ARHGAP15: variants seen among roughly 807,000 people sequenced by gnomAD.
ARHGAP15 encodes Rho GTPase activating protein 15.
A neutral mutation model predicts 63.7 loss-of-function variants in ARHGAP15; 51 were observed. That is an observed-to-expected ratio of 0.80 (90% confidence interval 0.64 to 1.01). ARHGAP15 has a LOEUF of 1.01. Among genes scored for constraint, ARHGAP15 ranks in the 50% least tolerant of loss-of-function variants. The pLI is 0.00. For synonymous variants in ARHGAP15, 191 were observed against 193.8 expected, an observed-to-expected ratio of 0.99 and a Z score of 0.12; for missense variants, 560 against 564.6, an observed-to-expected ratio of 0.99 and a Z score of 0.08.
intron 10 of ARHGAP15, among the ~76,000 whole-genome samples, chr2:143,535,957 T>C (rs996298327): frequency 6.6e-6 from 1 of 152,234 alleles, no homozygotes; most frequent in Non-Finnish European, 1.5e-5. Context: ...TATGTTTTTT[T>C]CACATACAAC....
At chr2:143,141,868 C>T (rs748811672) in intron 1 of ARHGAP15, among the ~76,000 whole-genome samples, 1 of 152,070 alleles carries the variant, frequency 6.6e-6, no homozygotes, top group Non-Finnish European at 1.5e-5. Context: ...GGGTGATTGA[C>T]ACTACGAGCC....
At chr2:143,457,647 C>T (rs559314969) in intron 8 of ARHGAP15, among the ~76,000 whole-genome samples, 2 of 150,270 alleles carry the variant, frequency 1.3e-5, no homozygotes, top group African/African-American at 2.4e-5. Context: ...TTTTTAAATA[C>T]CCACAGTATT....
At chr2:143,231,680 G>T (rs1360570641) in intron 5 of ARHGAP15, among the ~76,000 whole-genome samples, 1 of 152,186 alleles carries the variant, frequency 6.6e-6, no homozygotes, top group Admixed American at 6.5e-5. Context: ...GTCTTACTCA[G>T]TTAGGACTGC....
chr2:143,567,839 T>C (rs932004825), intron 11 of ARHGAP15, among the ~76,000 whole-genome samples: 2 of 152,134 alleles, frequency 1.3e-5, no homozygotes, highest in African/African-American at 4.8e-5. Context: ...AAATTACAAG[T>C]GGATGTCCTG....
intron 13 of ARHGAP15, among the ~76,000 whole-genome samples, chr2:143,728,986 A>G (rs1685411875): frequency 1.3e-5 from 2 of 152,372 alleles, no homozygotes; most frequent in South Asian, 2.1e-4. Flanking sequence ...CTATGGTCTC[A>G]GTTACGCAGA....
chr2:143,615,615 T>G (rs1285365503), intron 11 of ARHGAP15, among the ~76,000 whole-genome samples: 10 of 152,212 alleles, frequency 6.6e-5, no homozygotes, highest in Non-Finnish European at 8.8e-5. Context: ...TATCTGTATA[T>G]GGGAATTTAT....
At chr2:143,135,215 C>A (rs1689088977) in intron 1 of ARHGAP15, among the ~76,000 whole-genome samples, 1 of 152,176 alleles carries the variant, frequency 6.6e-6, no homozygotes, top group South Asian at 2.1e-4. Flanking sequence ...TTCATAGTTT[C>A]TATCTTTGCC....
intron 11 of ARHGAP15, among the ~76,000 whole-genome samples, chr2:143,581,905 G>A (rs1009803806): frequency 3.3e-5 from 5 of 152,042 alleles, no homozygotes; most frequent in Non-Finnish European, 5.9e-5. Flanking sequence ...GGAGGGTAAA[G>A]GGAGGAAGGA....
chr2:143,483,249 C>A (rs1344230944), intron 8 of ARHGAP15, among the ~76,000 whole-genome samples: 1 of 152,026 alleles, frequency 6.6e-6, no homozygotes, highest in Non-Finnish European at 1.5e-5. Flanking sequence ...ACCAGAATAC[C>A]TAGGGGAGTT....
chr2:143,205,328 C>T (rs1330706381), intron 3 of ARHGAP15, among the ~76,000 whole-genome samples: 2 of 150,826 alleles, frequency 1.3e-5, no homozygotes, highest in Non-Finnish European at 3.0e-5. Flanking sequence ...TTTCCATGTA[C>T]ACTTCTGTTA....
At position 143,519,257 on chromosome 2, in the gene ARHGAP15, C is replaced by A; in HGVS notation, c.827-9C>A. ...ATTTTAATGAAGCTCATCTTTGTTT[C>A]TTTTGCAGATCAAATTTTTGGCTCT... On this transcript the variant is annotated splice_polypyrimidine_tract_variant and intron_variant, in intron 9 of 13. Coordinates refer to ENST00000295095, the MANE Select transcript of ARHGAP15 (RefSeq NM_018460.4). 1 of 1,602,914 alleles carries A rather than the reference C, an allele frequency of 6.2e-7. No individual in the cohort carries two copies. Among genetic ancestry groups the A allele is most frequent in the Non-Finnish European group, 8.5e-7 (1 of 1,170,472 alleles).
At chr2:143,650,048 T>C (rs948972968) in intron 12 of ARHGAP15, among the ~76,000 whole-genome samples, 1 of 151,908 alleles carries the variant, frequency 6.6e-6, no homozygotes, top group South Asian at 2.1e-4. Context: ...TGTTGGAGGT[T>C]TTTTTTCTTC....
chr2:143,707,725 A>C (rs1425012903), intron 13 of ARHGAP15, among the ~76,000 whole-genome samples: 1 of 152,190 alleles, frequency 6.6e-6, no homozygotes, highest in South Asian at 2.1e-4. Flanking sequence ...GTGTTCAGTG[A>C]TAGGGGAGGG....
chr2:143,569,959 C>T (rs901904581), intron 11 of ARHGAP15, among the ~76,000 whole-genome samples: 5 of 152,124 alleles, frequency 3.3e-5, no homozygotes, highest in African/African-American at 1.2e-4. Context: ...AAGCCTAGGT[C>T]AATTTTCATG....
At chr2:143,329,018 C>G (rs546666967) in intron 6 of ARHGAP15, among the ~76,000 whole-genome samples, 48 of 152,296 alleles carry the variant, frequency 3.2e-4, no homozygotes, top group Admixed American at 1.5e-3. Context: ...ATGAAAGCAA[C>G]TTGTACATTT....
intron 9 of ARHGAP15, 98 bp from the exon 10 acceptor site, chr2:143,519,168 A>T (rs1405083894): frequency 1.1e-5 from 10 of 888,484 alleles, no homozygotes; most frequent in South Asian, 9.0e-5. Flanking sequence ...CTTATGCAAG[A>T]TGAAGATTTC....
At chr2:143,547,473 A>G (rs1158038549) in intron 10 of ARHGAP15, among the ~76,000 whole-genome samples, 1 of 152,166 alleles carries the variant, frequency 6.6e-6, no homozygotes, top group African/African-American at 2.4e-5. Context: ...TCCATAAAGA[A>G]TCACAGCAAA....
chr2:143,611,441 A>C (rs1347117359), intron 11 of ARHGAP15, among the ~76,000 whole-genome samples: 1 of 152,172 alleles, frequency 6.6e-6, no homozygotes, highest in East Asian at 1.9e-4. Flanking sequence ...TTAGTTCCTC[A>C]CTTATAAAAT....
chr2:143,322,618 T>C (rs947736056), intron 6 of ARHGAP15, among the ~76,000 whole-genome samples: 1 of 152,244 alleles, frequency 6.6e-6, no homozygotes, highest in African/African-American at 2.4e-5. Flanking sequence ...TAAATAAGTT[T>C]TGAAGTTTTC....
Sources: allele counts gnomAD v4.1 joint callset (sites outside exome capture counted in the v4.1 genomes callset), GRCh38; gene constraint gnomAD v4.1.1; transcripts MANE v1.5; gene names NCBI Gene and HGNC (gene_info 2026-07-23, HGNC 2026-07-21).